Variants in SAV1 observed in about 807,000 individuals in gnomAD.
SAV1 encodes the protein protein salvador homolog 1.
SAV1 carries 23 observed loss-of-function variants against 47.3 expected under a neutral mutation model. The observed-to-expected ratio is 0.49, with a 90% CI of 0.35 to 0.69. SAV1 has a LOEUF of 0.69. SAV1 is among the 30% of genes least tolerant of loss of function. The pLI, the probability that SAV1 is intolerant of heterozygous loss-of-function variation, is 0.01. For synonymous variants in SAV1, 155 were observed against 159.2 expected (o/e 0.97, Z 0.20); for missense variants, 448 against 457.4 (o/e 0.98, Z 0.19).
intron 2 of SAV1, among the ~76,000 whole-genome samples, chr14:50,661,471 T>C (rs2039859614): frequency 6.6e-6 from 1 of 152,236 alleles, no homozygotes; most frequent in Admixed American, 6.5e-5. Flanking sequence ...TGTCTATTTG[T>C]TTTTGTTGCC....
intron 2 of SAV1, among the ~76,000 whole-genome samples, chr14:50,655,810 C>G (rs1159941682): frequency 6.6e-6 from 1 of 152,046 alleles, no homozygotes; most frequent in Non-Finnish European, 1.5e-5. Flanking sequence ...CACTGGGGGG[C>G]CGAGGTGGGT....
intron 2 of SAV1, 122 bp from the exon 3 acceptor site, chr14:50,645,136 T>C: frequency 1.3e-6 from 1 of 789,810 alleles, no homozygotes; most frequent in Non-Finnish European, 2.0e-6. Context: ...AAATTCATGA[T>C]TATGCCCATT....
At chr14:50,659,292 T>C (rs2039839149) in intron 2 of SAV1, among the ~76,000 whole-genome samples, 2 of 152,208 alleles carry the variant, frequency 1.3e-5, no homozygotes, top group East Asian at 1.9e-4. Flanking sequence ...AACTACTGTA[T>C]TGCAGGAGGC....
intron 2 of SAV1, chr14:50,662,828 T>C (rs1296522658): frequency 1.3e-5 from 2 of 152,224 alleles, no homozygotes; most frequent in African/African-American, 4.8e-5. Flanking sequence ...ACATAGCTAT[T>C]TCTGTTCTCC....
intron 1 of SAV1, chr14:50,667,384 T>A (rs1382916919): frequency 2.2e-6 from 1 of 455,768 alleles, no homozygotes; most frequent in South Asian, 1.6e-5. Flanking sequence ...CTTTTCACCT[T>A]CTCAAGTCTG....
rs902488069 is a variant in SAV1, at chr14:50,644,628, T to C, written c.806+116A>G. ...AGAGAAAAATGTAAATTTTGAAATATAAGGCTTTCAAATCTCAAGCTTTAG... is the reference window on the plus strand; with the variant it reads ...AGAGAAAAATGTAAATTTTGAAATACAAGGCTTTCAAATCTCAAGCTTTAG... On this transcript the variant is annotated intron_variant, in intron 3 of 4. Coordinates refer to ENST00000324679, the MANE Select transcript of SAV1 (RefSeq NM_021818.4). The C allele has an allele frequency of 8.2e-5, 79 of 966,594 alleles. 1 individual carries two copies. Among genetic ancestry groups the C allele is most frequent in the East Asian group, 7.5e-5 (3 of 39,760 alleles). 59.9% of individuals were successfully genotyped at this position (966,594 alleles called of 1,614,324 possible). A position where few individuals can be genotyped will look rare whatever the true frequency, so the allele number is the denominator to read the frequency against.
At chr14:50,662,855 T>G (rs2039871507) in intron 2 of SAV1, 3 of 152,242 alleles carry the variant, frequency 2.0e-5, no homozygotes, top group Non-Finnish European at 4.4e-5. Flanking sequence ...TACCAAAAAC[T>G]GTCTTAAGCC....
rs549678489 is a variant in SAV1 at position 50,634,588 on chromosome 14, C to T, written c.*595G>A. 4 of 158,020 alleles carry T rather than the reference C, an allele frequency of 2.5e-5. No homozygotes were observed. Among genetic ancestry groups the T allele is most frequent in the Non-Finnish European group, 4.2e-5 (3 of 71,992 alleles). The allele number at this position is 158,020 out of a possible 1,614,324, so 9.8% of individuals were successfully genotyped here. On this transcript the variant is annotated 3_prime_UTR_variant, in exon 5 of 5. Transcript: ENST00000324679. ...CTGGTCTTAAACTCGTGGACTCAAGCGGTCCACCCACCTCGGCCTCCCAAA... is the reference window on the plus strand; with the variant it reads ...CTGGTCTTAAACTCGTGGACTCAAGTGGTCCACCCACCTCGGCCTCCCAAA...
At chr14:50,643,726 T>G (rs151037296) in intron 3 of SAV1, among the ~76,000 whole-genome samples, 162 of 152,310 alleles carry the variant, frequency 1.1e-3, no homozygotes, top group Middle Eastern at 6.8e-3. Context: ...AAACACTGAT[T>G]GGGTGCCACT....
At chr14:50,644,723 A>G (rs751739208) in intron 3 of SAV1, 21 bp downstream of exon 3, 1 of 1,588,152 alleles carries the variant, frequency 6.3e-7, no homozygotes, top group Admixed American at 1.7e-5. Flanking sequence ...CAAAAAGTTG[A>G]AAATAAAGTT....
At chr14:50,655,429 CTTT>C (rs5808563) in intron 2 of SAV1, among the ~76,000 whole-genome samples, 16 of 132,686 alleles carry the variant, frequency 1.2e-4, no homozygotes, top group Non-Finnish European at 1.3e-4. Flanking sequence ...CAAAAGCTGC[CTTT>C]TTTTTTTTTT....
intron 2 of SAV1, chr14:50,664,273 A>C (rs2039883016): frequency 6.6e-6 from 1 of 151,826 alleles, no homozygotes; most frequent in South Asian, 2.1e-4. Flanking sequence ...TAAATGAATA[A>C]ATTTTTTCTA....
rs933767608 is a variant in SAV1, at chr14:50,640,968, T to C, written c.807-75A>G. 51 of 1,370,792 alleles carry C rather than the reference T, an allele frequency of 3.7e-5. No individual in the cohort carries two copies. The African/African-American group carries it at 5.3e-4, about 14-fold the overall frequency. 84.9% of individuals were successfully genotyped at this position (1,370,792 alleles called of 1,614,324 possible). Reference sequence around the variant, plus strand: ...ACAAGAAATTATAAAGAACAAATAATACTTAAGCATTTTTCAGTGTGCCTT... The same window carrying C: ...ACAAGAAATTATAAAGAACAAATAACACTTAAGCATTTTTCAGTGTGCCTT... On this transcript the variant is annotated intron_variant, in intron 3 of 4. Coordinates refer to ENST00000324679, the MANE Select transcript of SAV1 (RefSeq NM_021818.4).
chr14:50,646,766 A>C (rs1347117638), intron 2 of SAV1, among the ~76,000 whole-genome samples: 2 of 152,226 alleles, frequency 1.3e-5, no homozygotes. Flanking sequence ...TGTATACTGA[A>C]AGGCAAAAGA....
intron 1 of SAV1, among the ~76,000 whole-genome samples, chr14:50,666,803 A>G (rs1734413059): frequency 6.6e-6 from 1 of 151,912 alleles, no homozygotes; most frequent in African/African-American, 2.4e-5. Flanking sequence ...AAAACAACTT[A>G]AAAATCAAGT....
intron 1 of SAV1, among the ~76,000 whole-genome samples, chr14:50,666,781 T>TAAA (rs780489912): frequency 2.2e-5 from 3 of 137,112 alleles, no homozygotes; most frequent in African/African-American, 2.7e-5. Flanking sequence ...ATCAAGTTGT[T>TAAA]AAAAAAAAAA....
chr14:50,658,436 C>T (rs193108857), intron 2 of SAV1, among the ~76,000 whole-genome samples: 43 of 152,204 alleles, frequency 2.8e-4, no homozygotes, highest in Admixed American at 1.4e-3. Flanking sequence ...GGTATGCGGC[C>T]AAGAACATTA....
At chr14:50,658,015 A>G (rs1198516125) in intron 2 of SAV1, among the ~76,000 whole-genome samples, 1 of 152,226 alleles carries the variant, frequency 6.6e-6, no homozygotes, top group African/African-American at 2.4e-5. Flanking sequence ...CAGGGTCCCT[A>G]GTAATGGATG....
intron 1 of SAV1, chr14:50,667,414 G>A (rs757592557): frequency 2.2e-6 from 1 of 456,190 alleles, no homozygotes; most frequent in South Asian, 1.5e-5. Flanking sequence ...GCAGGACTAA[G>A]GAATTCTGCC....
Sources: gnomAD v4.1 joint callset for allele counts (sites outside exome capture counted in the v4.1 genomes callset) on GRCh38, gnomAD v4.1.1 for gene constraint, MANE v1.5 for transcripts, NCBI Gene and HGNC (gene_info 2026-07-23, HGNC 2026-07-21) for gene names.